FUT8: variants seen among roughly 807,000 people sequenced by gnomAD.
FUT8 encodes fucosyltransferase 8.
A neutral mutation model predicts 71.3 loss-of-function variants in FUT8; 29 were observed. The observed-to-expected ratio is 0.41, with a 90% CI of 0.30 to 0.55. The LOEUF (loss-of-function observed/expected upper bound fraction) is 0.55, where lower values mean the gene tolerates loss of function less well. Ranked by LOEUF, FUT8 falls within the 20% of genes least tolerant of loss-of-function variation. The probability of loss-of-function intolerance (pLI) is 0.34; values close to 1 mark genes in which losing one functional copy is unlikely to be tolerated. For missense variants in FUT8, 544 were observed against 702.1 expected (o/e 0.77, Z 2.55); for synonymous variants, 254 against 239.3 (o/e 1.06, Z -0.57).
chr14:65,595,589 T>C (rs2059365641), intron 3 of FUT8, among the ~76,000 whole-genome samples: 1 of 150,280 alleles, frequency 6.7e-6, no homozygotes, highest in Non-Finnish European at 1.5e-5. Context: ...CGATTTATCT[T>C]CTACACCATT....
intron 6 of FUT8, among the ~76,000 whole-genome samples, chr14:65,653,824 C>T (rs1296895074): frequency 6.6e-6 from 1 of 152,120 alleles, no homozygotes; most frequent in Admixed American, 6.6e-5. Context: ...AGGCTTTGAA[C>T]CAGATTTAAA....
intron 7 of FUT8, among the ~76,000 whole-genome samples, chr14:65,695,697 C>T (rs1277628060): frequency 6.6e-6 from 1 of 151,890 alleles, no homozygotes; most frequent in Non-Finnish European, 1.5e-5. Context: ...CTTGGACAGT[C>T]TCTGCCTCTT....
the FUT8 span, among the ~76,000 whole-genome samples, chr14:65,399,898 G>A: frequency 1.3e-5 from 2 of 152,170 alleles, no homozygotes; most frequent in Admixed American, 1.3e-4. Context: ...TTAGTCTGTT[G>A]TAATAAAATC....
intron 1 of FUT8, among the ~76,000 whole-genome samples, chr14:65,450,969 G>A (rs1485557848): frequency 6.6e-6 from 1 of 151,672 alleles, no homozygotes; most frequent in African/African-American, 2.4e-5. Context: ...CCATTCTCCT[G>A]CCTCAGCCTC....
intron 3 of FUT8, among the ~76,000 whole-genome samples, chr14:65,579,591 A>G (rs1886966988): frequency 6.6e-6 from 1 of 152,156 alleles, no homozygotes; most frequent in South Asian, 2.1e-4. Context: ...GGTCTCTGGG[A>G]AGAAACCACA....
chr14:65,514,739 G>T (rs1260702982), intron 2 of FUT8, among the ~76,000 whole-genome samples: 3 of 150,942 alleles, frequency 2.0e-5, no homozygotes, highest in Non-Finnish European at 4.4e-5. Context: ...AAGTTTTAGG[G>T]TACATGTGCA....
At chr14:65,655,620 C>A (rs1009270751) in intron 6 of FUT8, among the ~76,000 whole-genome samples, 1 of 151,984 alleles carries the variant, frequency 6.6e-6, no homozygotes, top group Non-Finnish European at 1.5e-5. Context: ...TAAACATGTG[C>A]ACTTAACAGG....
intron 1 of FUT8, among the ~76,000 whole-genome samples, chr14:65,423,696 C>T (rs2065337155): frequency 6.6e-6 from 1 of 152,202 alleles, no homozygotes; most frequent in African/African-American, 2.4e-5. Flanking sequence ...CCGTGGCTGG[C>T]ATTATATTCT....
At chr14:65,624,817 G>C (rs1363582989) in intron 5 of FUT8, among the ~76,000 whole-genome samples, 1 of 152,174 alleles carries the variant, frequency 6.6e-6, no homozygotes, top group Admixed American at 6.5e-5. Context: ...GCTCACACCT[G>C]TAATCCTAGC....
chr14:65,644,431 C>T lies in FUT8; in HGVS notation c.597+14825C>T, dbSNP rs907672461. On this transcript the variant is annotated intron_variant, in intron 6 of 10. Coordinates refer to ENST00000673929, the MANE Select transcript of FUT8 (RefSeq NM_001371533.1). ...TCAGCCTCCCGACTAGCTGGGACTACAGGCGCCCACCACCGCCTCCCGGGT... is the reference window on the plus strand; with the variant it reads ...TCAGCCTCCCGACTAGCTGGGACTATAGGCGCCCACCACCGCCTCCCGGGT... Among the ~76,000 whole-genome samples the T allele has an allele frequency of 5.3e-5, 8 of 152,070 alleles. No individual in the cohort carries two copies. The East Asian group carries it at 1.2e-3, about 22-fold the overall frequency.
chr14:65,583,317 G>C (rs1887189053), intron 3 of FUT8, among the ~76,000 whole-genome samples: 1 of 152,122 alleles, frequency 6.6e-6, no homozygotes, highest in African/African-American at 2.4e-5. Context: ...AGCCAGCTGA[G>C]ACCACAGGCA....
chr14:65,370,119 G>A, the FUT8 span, among the ~76,000 whole-genome samples: 1 of 144,898 alleles, frequency 6.9e-6, no homozygotes. Context: ...TAACTACAGT[G>A]TTTCTCCCAT....
At chr14:65,470,248 C>T (rs1008758887) in intron 2 of FUT8, among the ~76,000 whole-genome samples, 4 of 152,252 alleles carry the variant, frequency 2.6e-5, no homozygotes, top group South Asian at 4.1e-4. Flanking sequence ...CAGGCATTTC[C>T]GAGCCTGCAA....
intron 6 of FUT8, among the ~76,000 whole-genome samples, chr14:65,631,502 A>G (rs149869992): frequency 6.6e-6 from 1 of 152,294 alleles, no homozygotes; most frequent in African/African-American, 2.4e-5. Flanking sequence ...TAATAATTTA[A>G]AGCTACATTG....
chr14:65,510,546 C>T (rs1199831679), intron 2 of FUT8, among the ~76,000 whole-genome samples: 1 of 152,092 alleles, frequency 6.6e-6, no homozygotes, highest in Non-Finnish European at 1.5e-5. Flanking sequence ...AACAGTGTAA[C>T]CATTGGGTCA....
In FUT8 at chr14:65,432,048, A is replaced by T. The variant is rs1039470825; in HGVS notation, c.-326+18834A>T. ...TCTGTTGTTACCAGTGACCTTCTGA[A>T]TTGCCAAATGGGGATTCTTCAGTCT... On this transcript the variant is annotated intron_variant, in intron 1 of 10. Coordinates refer to ENST00000673929, the MANE Select transcript of FUT8 (RefSeq NM_001371533.1). Among the ~76,000 whole-genome samples the T allele has an allele frequency of 2.6e-5, 4 of 152,238 alleles. 1 individual carries two copies. The highest frequency in any genetic ancestry group is 7.2e-5 in the African/African-American group (3 of 41,558).
chr14:65,546,342 TC>T (rs950621766), intron 2 of FUT8, among the ~76,000 whole-genome samples: 1 of 151,854 alleles, frequency 6.6e-6, no homozygotes, highest in African/African-American at 2.4e-5. Context: ...TTATTGAGCT[TC>T]AGTAGTTTGT....
At position 65,708,696 on chromosome 14, in the gene FUT8, A is replaced by G. The variant is rs184833671; in HGVS notation, c.836-13079A>G. 3.9e-5 allele frequency among the ~76,000 whole-genome samples: 6 copies of G among 152,282 alleles called. No individual in the cohort carries two copies. The East Asian group carries it at 9.6e-4, about 24-fold the overall frequency. On this transcript the variant is annotated intron_variant, in intron 7 of 10. Coordinates refer to ENST00000673929, the MANE Select transcript of FUT8 (RefSeq NM_001371533.1). ...TTGTATATTGATTTTGTAACGTGCAACTTTACTGAATTTGTTCATTAGTTC... is the reference window on the plus strand; with the variant it reads ...TTGTATATTGATTTTGTAACGTGCAGCTTTACTGAATTTGTTCATTAGTTC...
chr14:65,617,848 G>T (rs1236779869), intron 5 of FUT8, among the ~76,000 whole-genome samples: 1 of 151,822 alleles, frequency 6.6e-6, no homozygotes, highest in African/African-American at 2.4e-5. Context: ...GGAGGCTGAG[G>T]CCCAAGGATC....
Sources: gnomAD v4.1 joint callset for allele counts (sites outside exome capture counted in the v4.1 genomes callset) on GRCh38, gnomAD v4.1.1 for gene constraint, MANE v1.5 for transcripts, NCBI Gene and HGNC (gene_info 2026-07-23, HGNC 2026-07-21) for gene names.